The following CHMP4B variants were observed in gnomAD, a reference collection of about 807,000 sequenced individuals.
CHMP4B encodes charged multivesicular body protein 4B.
CHMP4B carries 1 observed loss-of-function variant against 25.1 expected under a neutral mutation model. The observed-to-expected ratio is 0.04, with a 90% CI of 0.01 to 0.19. The LOEUF (loss-of-function observed/expected upper bound fraction) is 0.19, where lower values mean the gene tolerates loss of function less well. Among genes scored for constraint, CHMP4B ranks in the 10% least tolerant of loss-of-function variants. CHMP4B has a pLI of 1.00. For missense variants in CHMP4B, 151 were observed against 289.7 expected (o/e 0.52, Z 3.48); for synonymous variants, 101 against 115.6 (o/e 0.87, Z 0.81).
intron 1 of CHMP4B, 58 bp downstream of exon 1, chr20:33,811,716 CG>C (rs944528881): frequency 3.3e-5 from 51 of 1,541,162 alleles, no homozygotes; most frequent in Non-Finnish European, 8.9e-6. Flanking sequence ...TCCCCGGGCC[CG>C]GACTTCACCT....
intron 1 of CHMP4B, among the ~76,000 whole-genome samples, chr20:33,840,457 T>A (rs1355895377): frequency 1.3e-5 from 2 of 152,162 alleles, no homozygotes; most frequent in Non-Finnish European, 2.9e-5. Context: ...CTGACAAACA[T>A]GTTCAGAGAT....
chr20:33,815,678 T>C (rs923320556), intron 1 of CHMP4B, among the ~76,000 whole-genome samples: 2 of 152,230 alleles, frequency 1.3e-5, no homozygotes, highest in Admixed American at 6.5e-5. Flanking sequence ...GCTTTGCACA[T>C]GGTTAATGGT....
intron 1 of CHMP4B, among the ~76,000 whole-genome samples, chr20:33,816,143 T>C (rs1043376444): frequency 7.9e-5 from 12 of 152,212 alleles, no homozygotes; most frequent in African/African-American, 2.9e-4. Context: ...ATTGCTTTTT[T>C]TTCCCAAATT....
chr20:33,853,876 A>C lies in CHMP4B; in HGVS notation c.*316A>C. The C allele has an allele frequency of 2.3e-6, 1 of 444,062 alleles. No individual in the cohort carries two copies. 27.5% of individuals were successfully genotyped at this position (444,062 alleles called of 1,614,324 possible). A position where few individuals can be genotyped will look rare whatever the true frequency, so the allele number is the denominator to read the frequency against. ...CGCTGACTCCACTGCTGAATCCTCA[A>C]TGGAAAGGGTCGACTGGTTGCAGTT... is the stretch of plus-strand genomic sequence containing the variant. On this transcript the variant is annotated 3_prime_UTR_variant, in exon 5 of 5. Transcript: ENST00000217402.
chr20:33,815,008 A>AGC (rs1239212493), intron 1 of CHMP4B, among the ~76,000 whole-genome samples: 1 of 152,242 alleles, frequency 6.6e-6, no homozygotes, highest in Admixed American at 6.5e-5. Flanking sequence ...GCACTCTAGC[A>AGC]GCAGCTTAAA....
At chr20:33,814,764 CTCACT>C (rs1978734921) in intron 1 of CHMP4B, among the ~76,000 whole-genome samples, 1 of 152,224 alleles carries the variant, frequency 6.6e-6, no homozygotes, top group Admixed American at 6.5e-5. Context: ...AAATGATCCT[CTCACT>C]TCAGCCTCCT....
At chr20:33,818,440 C>A (rs762642529) in intron 1 of CHMP4B, among the ~76,000 whole-genome samples, 71 of 152,360 alleles carry the variant, frequency 4.7e-4, no homozygotes, top group Non-Finnish European at 8.1e-4. Flanking sequence ...TCTGATTGAA[C>A]CCCTCTGTTG....
rs936979781 is a variant in CHMP4B, at chr20:33,824,573, C to T, written c.190+12915C>T. On this transcript the variant is annotated intron_variant, in intron 1 of 4. Transcript: ENST00000217402. ...TTCACTTGTCTTCATTCATTCAATT[C>T]GCTACATCAACATTGTGCATTTCCC... 8.7e-4 allele frequency among the ~76,000 whole-genome samples: 132 copies of T among 152,350 alleles called. 1 individual carries two copies. Among genetic ancestry groups the T allele is most frequent in the African/African-American group, 3.0e-3 (125 of 41,574 alleles).
At chr20:33,819,758 G>A (rs1352617186) in intron 1 of CHMP4B, among the ~76,000 whole-genome samples, 1 of 152,206 alleles carries the variant, frequency 6.6e-6, no homozygotes, top group Non-Finnish European at 1.5e-5. Context: ...CCCAGGGTAA[G>A]CCTCCTCATG....
intron 1 of CHMP4B, among the ~76,000 whole-genome samples, chr20:33,816,295 T>C (rs1457264767): frequency 1.3e-5 from 2 of 152,234 alleles, no homozygotes; most frequent in Admixed American, 1.3e-4. Flanking sequence ...AATATCATCA[T>C]TTATGAAATA....
chr20:33,843,757 T>TA (rs1979605398), intron 1 of CHMP4B, among the ~76,000 whole-genome samples: 1 of 152,216 alleles, frequency 6.6e-6, no homozygotes, highest in Admixed American at 6.5e-5. Flanking sequence ...TTTGCCCTGT[T>TA]ACACCTCACC....
At chr20:33,845,603 G>A (rs1046100569) in intron 1 of CHMP4B, among the ~76,000 whole-genome samples, 1 of 152,282 alleles carries the variant, frequency 6.6e-6, no homozygotes, top group Non-Finnish European at 1.5e-5. Context: ...GATTACAGGC[G>A]TGAGCCAGCG....
chr20:33,816,085 G>T (rs555053189), intron 1 of CHMP4B, among the ~76,000 whole-genome samples: 8 of 152,310 alleles, frequency 5.3e-5, no homozygotes, highest in East Asian at 1.9e-4. Context: ...CACTGTGTAG[G>T]TGTGTCCCAG....
chr20:33,811,804 T>A, intron 1 of CHMP4B, 146 bp downstream of exon 1: 1 of 790,878 alleles, frequency 1.3e-6, no homozygotes, highest in Non-Finnish European at 2.1e-6. Flanking sequence ...TGGGACCCCC[T>A]CCCCGACTCC....
intron 1 of CHMP4B, among the ~76,000 whole-genome samples, chr20:33,815,671 T>G (rs976182588): frequency 5.3e-5 from 8 of 152,180 alleles, no homozygotes; most frequent in Admixed American, 1.3e-4. Flanking sequence ...GCACAGTGCT[T>G]TGCACATGGT....
chr20:33,844,860 G>A (rs935970905), intron 1 of CHMP4B, among the ~76,000 whole-genome samples: 4 of 151,454 alleles, frequency 2.6e-5, no homozygotes, highest in East Asian at 1.9e-4. Flanking sequence ...CTGGGCTCAC[G>A]CCATTCTCCT....
In CHMP4B at chr20:33,853,492, ACAGC is replaced by A; in HGVS notation, c.611-1_613del. 6.2e-7 allele frequency: 1 copy of A among 1,613,542 alleles called. No homozygotes were observed. The highest frequency in any genetic ancestry group is 8.5e-7 in the Non-Finnish European group (1 of 1,179,700). On this transcript the variant is annotated splice_acceptor_variant and splice_polypyrimidine_tract_variant and coding_sequence_variant and intron_variant, in exon 5 of 5. Transcript: ENST00000217402. LOFTEE classifies it high-confidence loss of function. ...CCTAAATAGCCTTTTCTGTCTTCAC[ACAGC>A]CAAGAAGAAAGAAGAGGAGGACGAC...
At chr20:33,842,942 G>T (rs1243696109) in intron 1 of CHMP4B, among the ~76,000 whole-genome samples, 1 of 152,192 alleles carries the variant, frequency 6.6e-6, no homozygotes, top group Non-Finnish European at 1.5e-5. Context: ...CCCCAGATCT[G>T]GGACAGGCAG....
intron 1 of CHMP4B, among the ~76,000 whole-genome samples, chr20:33,837,996 C>A (rs757609845): frequency 2.2e-4 from 34 of 152,244 alleles, no homozygotes; most frequent in Admixed American, 5.2e-4. Flanking sequence ...GAGTCTGAGG[C>A]CCTAGGAAAT....
Sources: gnomAD v4.1 joint callset for allele counts (sites outside exome capture counted in the v4.1 genomes callset) on GRCh38, gnomAD v4.1.1 for gene constraint, MANE v1.5 for transcripts, NCBI Gene and HGNC (gene_info 2026-07-23, HGNC 2026-07-21) for gene names.